KCNIP4: variants seen among roughly 807,000 people sequenced by gnomAD.
KCNIP4 encodes the protein Kv channel-interacting protein 4.
Under a neutral mutation model 34.0 loss-of-function variants are expected in KCNIP4, and 12 were observed. The observed-to-expected ratio is 0.35, with a 90% CI of 0.23 to 0.57. The LOEUF (loss-of-function observed/expected upper bound fraction) is 0.57. KCNIP4 is among the 20% of genes least tolerant of loss of function. The probability of loss-of-function intolerance (pLI) is 0.83; values close to 1 mark genes in which losing one functional copy is unlikely to be tolerated. For synonymous variants in KCNIP4, 124 were observed against 102.2 expected, an observed-to-expected ratio of 1.21 and a Z score of -1.29; for missense variants, 238 against 311.7, an observed-to-expected ratio of 0.76 and a Z score of 1.78.
chr4:21,727,914 C>G (rs1423703900), intron 1 of KCNIP4, among the ~76,000 whole-genome samples: 1 of 152,130 alleles, frequency 6.6e-6, no homozygotes. Flanking sequence ...AGCCTACACA[C>G]AAGCCACGAC....
intron 1 of KCNIP4, among the ~76,000 whole-genome samples, chr4:21,447,266 G>A (rs1031326281): frequency 3.9e-5 from 6 of 152,080 alleles, no homozygotes; most frequent in South Asian, 2.1e-4. Flanking sequence ...CATGAAGATC[G>A]GAGTGATGAG....
chr4:21,695,648 A>G (rs1712231608), intron 1 of KCNIP4, among the ~76,000 whole-genome samples: 1 of 152,222 alleles, frequency 6.6e-6, no homozygotes, highest in South Asian at 2.1e-4. Flanking sequence ...TTTTCGTAAA[A>G]TTCTTTGAAA....
chr4:20,915,142 G>T (rs546088483), intron 1 of KCNIP4, among the ~76,000 whole-genome samples: 5 of 152,114 alleles, frequency 3.3e-5, no homozygotes, highest in Admixed American at 2.0e-4. Context: ...TTTTCAAAGC[G>T]CCAACAAACG....
At chr4:20,839,099 G>A (rs1043084753) in intron 3 of KCNIP4, among the ~76,000 whole-genome samples, 13 of 152,074 alleles carry the variant, frequency 8.5e-5, no homozygotes, top group Non-Finnish European at 1.3e-4. Context: ...TTTGTCCTCT[G>A]ACAACTCTTT....
intron 1 of KCNIP4, among the ~76,000 whole-genome samples, chr4:21,482,813 T>C (rs1731552466): frequency 6.6e-6 from 1 of 151,874 alleles, no homozygotes; most frequent in Non-Finnish European, 1.5e-5. Context: ...TCTCGAGGAG[T>C]ATCTTTGTGG....
chr4:21,379,477 A>C (rs984920117), intron 1 of KCNIP4, among the ~76,000 whole-genome samples: 5 of 152,072 alleles, frequency 3.3e-5, no homozygotes, highest in African/African-American at 1.2e-4. Flanking sequence ...CCTCTCTTTC[A>C]CTCAACACTT....
At chr4:21,678,528 C>T (rs563589900) in intron 1 of KCNIP4, among the ~76,000 whole-genome samples, 6 of 152,236 alleles carry the variant, frequency 3.9e-5, no homozygotes, top group Middle Eastern at 3.4e-3. Context: ...GCCTAAAAGG[C>T]CTCATATAAT....
chr4:20,808,292 T>C (rs1029106338), intron 3 of KCNIP4, among the ~76,000 whole-genome samples: 4 of 152,150 alleles, frequency 2.6e-5, no homozygotes, highest in Non-Finnish European at 4.4e-5. Context: ...CATTTAAGGA[T>C]GCCATGAAGG....
intron 1 of KCNIP4, among the ~76,000 whole-genome samples, chr4:21,247,225 T>C (rs114459722): frequency 6.6e-6 from 1 of 152,106 alleles, no homozygotes; most frequent in Admixed American, 6.6e-5. Context: ...GGTCACACAG[T>C]TGCTGACAGG....
chr4:21,695,756 C>A (rs1712240052), intron 1 of KCNIP4, among the ~76,000 whole-genome samples: 1 of 152,080 alleles, frequency 6.6e-6, no homozygotes, highest in African/African-American at 2.4e-5. Flanking sequence ...CTTAGGATTG[C>A]CCTATCAGAG....
intron 1 of KCNIP4, among the ~76,000 whole-genome samples, chr4:21,720,313 AT>A (rs1714715445): frequency 6.6e-6 from 1 of 152,182 alleles, no homozygotes; most frequent in African/African-American, 2.4e-5. Flanking sequence ...TGAAAAAAAA[AT>A]CAGTGCAACA....
At chr4:21,115,050 C>T (rs1490841140) in intron 1 of KCNIP4, among the ~76,000 whole-genome samples, 1 of 152,194 alleles carries the variant, frequency 6.6e-6, no homozygotes, top group East Asian at 1.9e-4. Context: ...CCCCATGCTA[C>T]CACCCCATGT....
chr4:21,100,446 G>T (rs1296077360), intron 1 of KCNIP4, among the ~76,000 whole-genome samples: 1 of 152,144 alleles, frequency 6.6e-6, no homozygotes, highest in Non-Finnish European at 1.5e-5. Flanking sequence ...CCAGTTACTT[G>T]GGAGACTGAG....
At chr4:20,917,975 G>A (rs1404535477) in intron 1 of KCNIP4, among the ~76,000 whole-genome samples, 2 of 152,092 alleles carry the variant, frequency 1.3e-5, no homozygotes, top group Admixed American at 6.6e-5. Flanking sequence ...ACCTTTTGCA[G>A]GTAAGACCTT....
chr4:21,545,073 A>C (rs981125431), intron 1 of KCNIP4, among the ~76,000 whole-genome samples: 9 of 152,148 alleles, frequency 5.9e-5, no homozygotes, highest in Admixed American at 5.9e-4. Context: ...AAACCCACCA[A>C]AAGCAAGATA....
chr4:21,801,668 G>C (rs901926042), intron 1 of KCNIP4, among the ~76,000 whole-genome samples: 18 of 152,064 alleles, frequency 1.2e-4, no homozygotes, highest in Middle Eastern at 6.8e-3. Context: ...GAGTGCAGTG[G>C]CACAATCTCA....
chr4:20,963,588 A>G (rs1046198385), intron 1 of KCNIP4, among the ~76,000 whole-genome samples: 3 of 152,182 alleles, frequency 2.0e-5, no homozygotes, highest in Non-Finnish European at 4.4e-5. Context: ...TGTTTCTCAC[A>G]TTCAAGAAGC....
intron 3 of KCNIP4, among the ~76,000 whole-genome samples, chr4:20,828,873 A>G (rs2149454688): frequency 6.6e-6 from 1 of 152,314 alleles, no homozygotes; most frequent in Middle Eastern, 3.4e-3. Context: ...GTACTGAGAG[A>G]TAGGACAAAC....
At chr4:21,478,096 C>A (rs1731138291) in intron 1 of KCNIP4, among the ~76,000 whole-genome samples, 1 of 152,026 alleles carries the variant, frequency 6.6e-6, no homozygotes, top group Non-Finnish European at 1.5e-5. Flanking sequence ...TTGTATATTG[C>A]ATTTTATTTT....
Sources: allele counts gnomAD v4.1 joint callset (sites outside exome capture counted in the v4.1 genomes callset), GRCh38; gene constraint gnomAD v4.1.1; transcripts MANE v1.5; gene names NCBI Gene and HGNC (gene_info 2026-07-23, HGNC 2026-07-21).